The following CAB39 variants were observed in gnomAD, a reference collection of about 807,000 sequenced individuals.
CAB39 encodes calcium binding protein 39, also known as calcium-binding protein 39.
In CAB39, 8 loss-of-function variants were observed where a neutral mutation model predicts 40.0. The observed-to-expected ratio is 0.20, with a 90% CI of 0.12 to 0.36. The LOEUF (loss-of-function observed/expected upper bound fraction) is 0.36, where lower values mean the gene tolerates loss of function less well. Among genes scored for constraint, CAB39 ranks in the 10% least tolerant of loss-of-function variants. CAB39 has a pLI of 1.00. For synonymous variants in CAB39, 156 were observed against 141.6 expected, an observed-to-expected ratio of 1.10 and a Z score of -0.72; for missense variants, 270 against 401.1, an observed-to-expected ratio of 0.67 and a Z score of 2.79.
chr2:230,723,394 G>T (rs13404879), intron 1 of CAB39, among the ~76,000 whole-genome samples: 33,177 of 151,556 alleles, frequency 0.22, 7,094 homozygotes, highest in African/African-American at 0.56. Flanking sequence ...CCACTTAAAT[G>T]TTAAGGTTGA....
intron 1 of CAB39, among the ~76,000 whole-genome samples, chr2:230,748,037 A>G (rs1416359285): frequency 6.6e-6 from 1 of 151,872 alleles, no homozygotes; most frequent in African/African-American, 2.4e-5. Context: ...GTTTATTTGA[A>G]TCAGGATCCA....
chr2:230,812,749 T>C (rs1287473869), intron 6 of CAB39, among the ~76,000 whole-genome samples: 1 of 152,244 alleles, frequency 6.6e-6, no homozygotes, highest in Non-Finnish European at 1.5e-5. Context: ...AATTCTGTGT[T>C]AGCTCTAAAC....
At chr2:230,806,726 C>T (rs1696201872) in intron 5 of CAB39, among the ~76,000 whole-genome samples, 1 of 152,052 alleles carries the variant, frequency 6.6e-6, no homozygotes, top group South Asian at 2.1e-4. Context: ...TAGGTCTGAC[C>T]CTAGCACAGG....
intron 2 of CAB39, among the ~76,000 whole-genome samples, chr2:230,767,868 A>C (rs1363442960): frequency 2.0e-5 from 3 of 152,012 alleles, no homozygotes; most frequent in Non-Finnish European, 4.4e-5. Flanking sequence ...TTCTTTCCCT[A>C]GTGCTCTATT....
At chr2:230,777,427 T>G (rs1485987916) in intron 2 of CAB39, among the ~76,000 whole-genome samples, 3 of 151,772 alleles carry the variant, frequency 2.0e-5, no homozygotes, top group African/African-American at 7.3e-5. Flanking sequence ...AATTTTGTTT[T>G]TTTTTTTTTA....
intron 2 of CAB39, among the ~76,000 whole-genome samples, chr2:230,774,579 G>A (rs1187076495): frequency 6.6e-6 from 1 of 152,184 alleles, no homozygotes; most frequent in East Asian, 1.9e-4. Flanking sequence ...TATAAAGGAG[G>A]TATGGCTGCC....
intron 1 of CAB39, among the ~76,000 whole-genome samples, chr2:230,743,138 C>A (rs1172385742): frequency 1.3e-5 from 2 of 152,140 alleles, no homozygotes; most frequent in African/African-American, 4.8e-5. Flanking sequence ...GATGAGGAAA[C>A]TGGCATTAAA....
intron 2 of CAB39, among the ~76,000 whole-genome samples, chr2:230,784,195 C>T (rs1194125257): frequency 6.6e-6 from 1 of 152,098 alleles, no homozygotes; most frequent in Non-Finnish European, 1.5e-5. Context: ...TTGAAGATGA[C>T]TCCTAAATTT....
At chr2:230,722,586 C>T (rs755184592) in intron 1 of CAB39, among the ~76,000 whole-genome samples, 4 of 152,192 alleles carry the variant, frequency 2.6e-5, no homozygotes, top group Non-Finnish European at 5.9e-5. Flanking sequence ...CCTCTTTTTC[C>T]TCAGCTTTCT....
At chr2:230,791,385 C>T (rs551910862) in intron 3 of CAB39, among the ~76,000 whole-genome samples, 1 of 152,294 alleles carries the variant, frequency 6.6e-6, no homozygotes, top group African/African-American at 2.4e-5. Flanking sequence ...AATAAACAAT[C>T]TAAAGACAGC....
At chr2:230,814,196 A>T in intron 7 of CAB39, 82 bp downstream of exon 7, 1 of 733,402 alleles carries the variant, frequency 1.4e-6, no homozygotes, top group Non-Finnish European at 2.3e-6. Context: ...GATGTGCAGG[A>T]TGGGTCATAG....
intron 7 of CAB39, among the ~76,000 whole-genome samples, chr2:230,814,610 A>T (rs1485728269): frequency 6.6e-6 from 1 of 152,190 alleles, no homozygotes; most frequent in Non-Finnish European, 1.5e-5. Context: ...GCAAACTACA[A>T]CCCATGGGCT....
At chr2:230,787,846 G>C (rs1052493840) in intron 2 of CAB39, among the ~76,000 whole-genome samples, 2 of 152,192 alleles carry the variant, frequency 1.3e-5, no homozygotes, top group African/African-American at 4.8e-5. Flanking sequence ...TTATGTGGAA[G>C]AGAAGTTAAA....
At chr2:230,718,482 G>A (rs1207938251) in intron 1 of CAB39, among the ~76,000 whole-genome samples, 1 of 152,202 alleles carries the variant, frequency 6.6e-6, no homozygotes, top group African/African-American at 2.4e-5. Flanking sequence ...GTTAGCCAGT[G>A]GTTAAAAGCG....
At chr2:230,806,709 T>G (rs2124976057) in intron 5 of CAB39, among the ~76,000 whole-genome samples, 1 of 152,264 alleles carries the variant, frequency 6.6e-6, no homozygotes, top group Middle Eastern at 3.4e-3. Context: ...GGCATAGTAT[T>G]TGGGGATAGG....
intron 1 of CAB39, among the ~76,000 whole-genome samples, chr2:230,721,490 A>T (rs932066660): frequency 6.6e-6 from 1 of 151,960 alleles, no homozygotes; most frequent in African/African-American, 2.4e-5. Context: ...CCAAAATACA[A>T]TTTTTTCTGT....
chr2:230,787,649 G>A lies in CAB39; in HGVS notation c.115-3223G>A, dbSNP rs564630892. 3.7e-4 allele frequency among the ~76,000 whole-genome samples: 56 copies of A among 152,324 alleles called. 1 individual carries two copies. Among genetic ancestry groups the A allele is most frequent in the African/African-American group, 1.2e-3 (48 of 41,570 alleles). The stretch of plus-strand genomic sequence containing the variant: ...ATATAATTGCAAAAATTCTTAGAAG[G>A]TAGCCTTGGGCTGCACTAACATTTG... On this transcript the variant is annotated intron_variant, in intron 2 of 8. Coordinates refer to ENST00000258418, the MANE Select transcript of CAB39 (RefSeq NM_016289.4).
chr2:230,721,674 T>G (rs1351690985), intron 1 of CAB39, among the ~76,000 whole-genome samples: 2 of 152,128 alleles, frequency 1.3e-5, no homozygotes, highest in African/African-American at 4.8e-5. Flanking sequence ...GTAGGAGAGG[T>G]TCCAGGGTGA....
chr2:230,756,665 A>G (rs1976768), intron 1 of CAB39, among the ~76,000 whole-genome samples: 51,403 of 97,688 alleles, frequency 0.53, 10,350 homozygotes, highest in Non-Finnish European at 0.54. Context: ...CTGTTTGTTT[A>G]TTTATTTATT....
Sources: gnomAD v4.1 joint callset for allele counts (sites outside exome capture counted in the v4.1 genomes callset) on GRCh38, gnomAD v4.1.1 for gene constraint, MANE v1.5 for transcripts, NCBI Gene and HGNC (gene_info 2026-07-23, HGNC 2026-07-21) for gene names.